Variants in CFAP20DC observed in about 807,000 individuals in gnomAD.
CFAP20DC encodes the protein protein CFAP20DC.
A neutral mutation model predicts 101.7 loss-of-function variants in CFAP20DC; 84 were observed. The ratio of observed to expected loss-of-function variants is 0.83; its 90% CI spans 0.69 to 0.99. The LOEUF (loss-of-function observed/expected upper bound fraction) is 0.99. Among genes scored for constraint, CFAP20DC ranks in the 50% least tolerant of loss-of-function variants. The pLI is 0.00. For missense variants in CFAP20DC, 1,007 were observed against 970.3 expected (o/e 1.04, Z -0.50); for synonymous variants, 359 against 351.2 (o/e 1.02, Z -0.25).
chr3:58,980,099 G>A (rs901335703), intron 4 of CFAP20DC, among the ~76,000 whole-genome samples: 5 of 152,130 alleles, frequency 3.3e-5, no homozygotes, highest in Admixed American at 2.0e-4. Context: ...TGCATTATCT[G>A]TAATGTAAGG....
intron 4 of CFAP20DC, among the ~76,000 whole-genome samples, chr3:58,957,360 A>T (rs1289149398): frequency 6.6e-6 from 1 of 152,210 alleles, no homozygotes; most frequent in Non-Finnish European, 1.5e-5. Flanking sequence ...AACAAATGCT[A>T]TCAAGGATGT....
chr3:58,960,928 T>C (rs1333691903), intron 4 of CFAP20DC, among the ~76,000 whole-genome samples: 2 of 152,164 alleles, frequency 1.3e-5, no homozygotes, highest in Non-Finnish European at 2.9e-5. Context: ...CTTATCCTAG[T>C]TTGTGGAAAG....
intron 15 of CFAP20DC, among the ~76,000 whole-genome samples, chr3:58,787,027 A>AG (rs909430913): frequency 4.6e-5 from 7 of 151,794 alleles, no homozygotes; most frequent in African/African-American, 9.7e-5. Context: ...CCTGTAGATA[A>AG]GGGGGGGCAT....
At chr3:58,778,421 C>T (rs1440222950) in intron 15 of CFAP20DC, among the ~76,000 whole-genome samples, 3 of 152,192 alleles carry the variant, frequency 2.0e-5, no homozygotes, top group African/African-American at 7.2e-5. Context: ...GCTGCTACCA[C>T]AACAGCTGGC....
At chr3:58,891,351 C>G (rs1356819087) in intron 6 of CFAP20DC, among the ~76,000 whole-genome samples, 4 of 150,972 alleles carry the variant, frequency 2.6e-5, no homozygotes, top group Non-Finnish European at 5.9e-5. Flanking sequence ...TGCAGTGAGC[C>G]GAGATGGCAG....
intron 4 of CFAP20DC, among the ~76,000 whole-genome samples, chr3:58,942,401 C>T (rs1259708746): frequency 6.6e-6 from 1 of 152,206 alleles, no homozygotes; most frequent in Non-Finnish European, 1.5e-5. Flanking sequence ...ACTGGTTAGA[C>T]AGTGGTTGCA....
At chr3:58,866,247 C>T (rs1345514298) in intron 11 of CFAP20DC, among the ~76,000 whole-genome samples, 2 of 152,224 alleles carry the variant, frequency 1.3e-5, no homozygotes, top group African/African-American at 4.8e-5. Flanking sequence ...CAGCTCCAAC[C>T]ATCTCCATTA....
In CFAP20DC at chr3:58,749,668, C is replaced by T. The variant is rs80012281; in HGVS notation, c.2332+4101G>A. On this transcript the variant is annotated intron_variant, in intron 16 of 16. Coordinates refer to ENST00000482387, the MANE Select transcript of CFAP20DC (RefSeq NM_001394063.1). ...TCTGAATGCCTTTCTTACTCAAAAT[C>T]TATGTAAACTACAAGACAGGGCTAC... Among the ~76,000 whole-genome samples, 1,236 of 152,216 alleles carry T rather than the reference C, an allele frequency of 8.1e-3. 19 individuals are homozygous for T. Among genetic ancestry groups the T allele is most frequent in the African/African-American group, 0.028 (1,181 of 41,534 alleles).
chr3:58,978,773 G>T (rs1044054899), intron 4 of CFAP20DC, among the ~76,000 whole-genome samples: 7 of 151,064 alleles, frequency 4.6e-5, no homozygotes, highest in African/African-American at 1.7e-4. Context: ...ATATGAGGGA[G>T]ATATTTCTGG....
At chr3:58,720,199 G>A (rs192225988) in intron 3 of CFAP20DC, among the ~76,000 whole-genome samples, 1 of 152,246 alleles carries the variant, frequency 6.6e-6, no homozygotes, top group African/African-American at 2.4e-5. Context: ...TGTGAGGACA[G>A]GGCCTTTGGC....
intron 4 of CFAP20DC, among the ~76,000 whole-genome samples, chr3:58,975,444 CTA>C (rs1292412065): frequency 1.3e-5 from 2 of 152,226 alleles, no homozygotes; most frequent in South Asian, 2.1e-4. Flanking sequence ...AATCATAAGA[CTA>C]TGTGTAGAGA....
At chr3:59,047,842 C>T (rs967616029) in intron 1 of CFAP20DC, among the ~76,000 whole-genome samples, 9 of 152,230 alleles carry the variant, frequency 5.9e-5, no homozygotes, top group African/African-American at 2.2e-4. Context: ...TCAACAGCAC[C>T]ATCAAAGTTT....
intron 5 of CFAP20DC, among the ~76,000 whole-genome samples, chr3:58,927,982 T>G (rs1419902124): frequency 6.6e-6 from 1 of 152,218 alleles, no homozygotes; most frequent in Non-Finnish European, 1.5e-5. Context: ...TCTTAATATT[T>G]GAATACTCCT....
At chr3:58,951,706 A>G (rs1358156945) in intron 4 of CFAP20DC, among the ~76,000 whole-genome samples, 1 of 151,714 alleles carries the variant, frequency 6.6e-6, no homozygotes, top group African/African-American at 2.4e-5. Flanking sequence ...GAATTGAACA[A>G]TGAGATCACA....
At position 58,973,866 on chromosome 3, in the gene CFAP20DC, C is replaced by T. The variant is rs564369556; in HGVS notation, c.279-36104G>A. On this transcript the variant is annotated intron_variant, in intron 4 of 16. Coordinates refer to ENST00000482387, the MANE Select transcript of CFAP20DC (RefSeq NM_001394063.1). ...ATTGGATCCTTATAGAAAGGGTCAT[C>T]AGTAGGAAGTCCAAAGCAAAAAAAG... Among the ~76,000 whole-genome samples the T allele has an allele frequency of 2.5e-3, 375 of 152,180 alleles. 1 individual carries two copies. Among genetic ancestry groups the T allele is most frequent in the Non-Finnish European group, 4.7e-3 (320 of 67,996 alleles).
chr3:58,733,431 ACT>A (rs1215576054), intron 3 of CFAP20DC, among the ~76,000 whole-genome samples: 3 of 152,148 alleles, frequency 2.0e-5, no homozygotes, highest in Non-Finnish European at 4.4e-5. Context: ...TTCGTCATAT[ACT>A]CTGAGGGAAA....
At chr3:59,024,855 C>T (rs139354083) in intron 4 of CFAP20DC, among the ~76,000 whole-genome samples, 9 of 152,126 alleles carry the variant, frequency 5.9e-5, no homozygotes, top group Admixed American at 2.0e-4. Flanking sequence ...TTTCTCTTGA[C>T]CAAAGGAAAA....
chr3:58,843,031 A>G (rs956509990), intron 13 of CFAP20DC, among the ~76,000 whole-genome samples: 11 of 152,330 alleles, frequency 7.2e-5, no homozygotes, highest in Non-Finnish European at 1.3e-4. Flanking sequence ...ATCGTCAAAG[A>G]CCAAAAGTAG....
chr3:58,884,743 G>T (rs2081482099), intron 6 of CFAP20DC, 34 bp from the exon 7 acceptor site: 13 of 1,568,322 alleles, frequency 8.3e-6, no homozygotes, highest in Non-Finnish European at 1.0e-5. Context: ...TTTTCAAAAT[G>T]TAAGCCATTT....
Sources: gnomAD v4.1 joint callset for allele counts (sites outside exome capture counted in the v4.1 genomes callset) on GRCh38, gnomAD v4.1.1 for gene constraint, MANE v1.5 for transcripts, NCBI Gene and HGNC (gene_info 2026-07-23, HGNC 2026-07-21) for gene names.